HDAC9: variants seen among roughly 807,000 people sequenced by gnomAD.
The protein encoded by HDAC9 is histone deacetylase 9, also known as MEF-2 interacting transcription repressor (MITR) protein.
HDAC9 carries 41 observed loss-of-function variants against 139.4 expected under a neutral mutation model. The observed-to-expected ratio is 0.29, with a 90% CI of 0.23 to 0.38. The LOEUF is 0.38. HDAC9 is among the 10% of genes least tolerant of loss of function. The pLI is 1.00. For missense variants in HDAC9, 1,147 were observed against 1,297.0 expected, an observed-to-expected ratio of 0.88 and a Z score of 1.78; for synonymous variants, 517 against 476.2, an observed-to-expected ratio of 1.09 and a Z score of -1.12.
intron 2 of HDAC9, among the ~76,000 whole-genome samples, chr7:18,232,076 T>C (rs1433841354): frequency 1.3e-5 from 2 of 152,216 alleles, no homozygotes; most frequent in African/African-American, 4.8e-5. Flanking sequence ...TGAGACATTA[T>C]ATTTAAGCAC....
chr7:18,683,776 C>A (rs981451387), intron 12 of HDAC9, among the ~76,000 whole-genome samples: 1 of 151,586 alleles, frequency 6.6e-6, no homozygotes, highest in African/African-American at 2.4e-5. Flanking sequence ...TGCTTGTTAA[C>A]AAACTGGAGG....
chr7:18,311,153 G>A (rs1178377113), intron 1 of HDAC9, among the ~76,000 whole-genome samples: 1 of 151,948 alleles, frequency 6.6e-6, no homozygotes, highest in Non-Finnish European at 1.5e-5. Context: ...CAAGGATTCT[G>A]CAGTTAACAT....
chr7:18,116,446 A>G (rs1354886524), intron 1 of HDAC9, among the ~76,000 whole-genome samples: 1 of 152,178 alleles, frequency 6.6e-6, no homozygotes, highest in African/African-American at 2.4e-5. Flanking sequence ...ACTGTGAATT[A>G]TGATTGGGAA....
chr7:18,810,495 T>C (rs1011955544), intron 17 of HDAC9, among the ~76,000 whole-genome samples: 1 of 151,912 alleles, frequency 6.6e-6, no homozygotes, highest in African/African-American at 2.4e-5. Flanking sequence ...AACAATCCAT[T>C]GATATTTTTC....
chr7:18,993,382 C>A (rs549881436), intron 25 of HDAC9, among the ~76,000 whole-genome samples: 1 of 152,294 alleles, frequency 6.6e-6, no homozygotes, highest in Admixed American at 6.5e-5. Context: ...GAGACACTGA[C>A]TGACTGATTC....
At chr7:18,856,707 A>C (rs1797708535) in intron 21 of HDAC9, among the ~76,000 whole-genome samples, 1 of 152,154 alleles carries the variant, frequency 6.6e-6, no homozygotes, top group Non-Finnish European at 1.5e-5. Flanking sequence ...ATTTGTGTGC[A>C]TTTATCTTTG....
At chr7:18,131,406 G>T (rs1178370) in intron 1 of HDAC9, among the ~76,000 whole-genome samples, 66,877 of 151,990 alleles carry the variant, frequency 0.44, 17,501 homozygotes, top group African/African-American at 0.73. Context: ...GTTAAAGAAC[G>T]AGTTTAGTAG....
chr7:18,567,798 GTAT>G (rs1379987434), intron 2 of HDAC9, among the ~76,000 whole-genome samples: 1 of 152,066 alleles, frequency 6.6e-6, no homozygotes, highest in Non-Finnish European at 1.5e-5. Context: ...CAAACTTGTA[GTAT>G]TATTATTGCA....
chr7:18,816,975 C>T (rs774582013), intron 17 of HDAC9, among the ~76,000 whole-genome samples: 16 of 151,418 alleles, frequency 1.1e-4, no homozygotes, highest in Non-Finnish European at 2.1e-4. Flanking sequence ...CAACTTTACC[C>T]GAATAAAAGG....
chr7:18,128,904 C>G (rs1584215281), intron 1 of HDAC9, among the ~76,000 whole-genome samples: 1 of 151,888 alleles, frequency 6.6e-6, no homozygotes, highest in African/African-American at 2.4e-5. Context: ...TTCTTCCTTT[C>G]TTGCCACTCT....
At chr7:18,803,290 G>A (rs1327019853) in intron 17 of HDAC9, among the ~76,000 whole-genome samples, 1 of 151,890 alleles carries the variant, frequency 6.6e-6, no homozygotes, top group Admixed American at 6.6e-5. Flanking sequence ...TAACTTACAT[G>A]CTTAGGACTT....
chr7:18,889,175 G>A (rs1291566120), intron 22 of HDAC9, among the ~76,000 whole-genome samples: 1 of 152,076 alleles, frequency 6.6e-6, no homozygotes, highest in African/African-American at 2.4e-5. Flanking sequence ...CTCTCTAACA[G>A]ACCAGGCTCA....
At chr7:18,726,325 A>G (rs990363977) in intron 12 of HDAC9, among the ~76,000 whole-genome samples, 3 of 152,182 alleles carry the variant, frequency 2.0e-5, no homozygotes, top group Admixed American at 2.0e-4. Context: ...ATGACCTGTG[A>G]TGGCACATAT....
In HDAC9 at chr7:18,806,023, C is replaced by G. The variant is rs540102987; in HGVS notation, c.2322+12571C>G. On this transcript the variant is annotated intron_variant, in intron 17 of 25. Transcript: ENST00000686413. The stretch of plus-strand genomic sequence containing the variant: ...GCTGAGGAGTTGGGGAAGCTTCAAA[C>G]AAAATGTGACATTAAGGTTTTCAAT... Among the ~76,000 whole-genome samples, 5 of 152,268 alleles carry G rather than the reference C, an allele frequency of 3.3e-5. No individual in the cohort carries two copies. In the South Asian group the frequency reaches 1.0e-3, roughly 32 times the overall value.
chr7:18,792,257 CTT>C (rs370313883), intron 16 of HDAC9, among the ~76,000 whole-genome samples: 1 of 138,038 alleles, frequency 7.2e-6, no homozygotes, highest in African/African-American at 2.8e-5. Context: ...ATTTAATTCT[CTT>C]TTTTTTTTAA....
intron 2 of HDAC9, among the ~76,000 whole-genome samples, chr7:18,235,196 TAAATG>T (rs1029312472): frequency 1.2e-4 from 18 of 152,316 alleles, no homozygotes; most frequent in African/African-American, 4.3e-4. Flanking sequence ...ATGTTTTGCT[TAAATG>T]AAAACATTTT....
chr7:18,942,863 C>T (rs1023863612), intron 23 of HDAC9, among the ~76,000 whole-genome samples: 1 of 151,870 alleles, frequency 6.6e-6, no homozygotes, highest in Non-Finnish European at 1.5e-5. Flanking sequence ...CACACCACTG[C>T]TACATAATGT....
At chr7:18,189,433 C>A (rs1203356154) in intron 2 of HDAC9, among the ~76,000 whole-genome samples, 2 of 152,042 alleles carry the variant, frequency 1.3e-5, no homozygotes, top group Admixed American at 1.3e-4. Flanking sequence ...GACAAACCTG[C>A]ACATTCTGTA....
chr7:18,967,818 T>C (rs887040496), intron 24 of HDAC9, among the ~76,000 whole-genome samples: 2 of 152,006 alleles, frequency 1.3e-5, no homozygotes, highest in Non-Finnish European at 2.9e-5. Context: ...ATAGAGTAAA[T>C]AAAATACACT....
Sources: allele counts gnomAD v4.1 joint callset (sites outside exome capture counted in the v4.1 genomes callset), GRCh38; gene constraint gnomAD v4.1.1; transcripts MANE v1.5; gene names NCBI Gene and HGNC (gene_info 2026-07-23, HGNC 2026-07-21).